The following GATA4 variants were observed in gnomAD, a reference collection of about 807,000 sequenced individuals.
GATA4 encodes the protein transcription factor GATA-4.
In GATA4, 7 loss-of-function variants were observed where a neutral mutation model predicts 37.9. That is an observed-to-expected ratio of 0.18 (90% CI 0.11 to 0.35). The LOEUF (loss-of-function observed/expected upper bound fraction) is 0.35. GATA4 is among the 10% of genes least tolerant of loss of function. GATA4 has a pLI of 1.00. For missense variants in GATA4, 647 were observed against 653.0 expected (o/e 0.99, Z 0.10); for synonymous variants, 372 against 292.6 (o/e 1.27, Z -2.77).
chr8:11,729,962 A>C (rs1331426096), intron 2 of GATA4, among the ~76,000 whole-genome samples: 1 of 152,090 alleles, frequency 6.6e-6, no homozygotes, highest in African/African-American at 2.4e-5. Flanking sequence ...GTCTTGCTCC[A>C]TTGCCCAGGC....
upstream of GATA4, among the ~76,000 whole-genome samples, chr8:11,691,107 A>G (rs1327959218): frequency 6.6e-6 from 1 of 152,262 alleles, no homozygotes; most frequent in African/African-American, 2.4e-5. Context: ...CAATCCACGC[A>G]GCATACTTGG....
upstream of GATA4, among the ~76,000 whole-genome samples, chr8:11,702,011 A>G (rs1415807148): frequency 6.6e-6 from 1 of 152,148 alleles, no homozygotes; most frequent in Non-Finnish European, 1.5e-5. The surrounding 1 kb of genome is among the most constrained non-coding windows in gnomAD (Gnocchi z 4.4). Context: ...TTATAGCCCC[A>G]CCATCCACAG....
intron 2 of GATA4, among the ~76,000 whole-genome samples, chr8:11,729,887 A>C (rs73205106): frequency 6.6e-6 from 1 of 152,122 alleles, no homozygotes; most frequent in African/African-American, 2.4e-5. Context: ...AACCCAATAT[A>C]TAATTCCTGG....
At chr8:11,754,946 T>G (rs1454452427) in intron 4 of GATA4, 100 bp from the exon 5 acceptor site, 3 of 873,122 alleles carry the variant, frequency 3.4e-6, no homozygotes, top group Non-Finnish European at 5.7e-6. Context: ...GTGGAGAGAT[T>G]GCTTAGGTGT....
At chr8:11,701,527 C>G (rs2130024846), upstream of GATA4, among the ~76,000 whole-genome samples, 1 of 152,262 alleles carries the variant, frequency 6.6e-6, no homozygotes, top group African/African-American at 2.4e-5. Context: ...TTGAAATGCT[C>G]CCCGCTCCTG....
intron 1 of GATA4, among the ~76,000 whole-genome samples, chr8:11,695,608 C>T (rs905090076): frequency 1.3e-5 from 2 of 152,180 alleles, no homozygotes; most frequent in African/African-American, 4.8e-5. Context: ...ACACCTGGAC[C>T]AAACTCAGTT....
chr8:11,697,649 C>T (rs1002637565), intron 1 of GATA4: 2 of 985,366 alleles, frequency 2.0e-6, no homozygotes, highest in African/African-American at 1.7e-5. Flanking sequence ...GCCCCCCTTT[C>T]AGAGGACCCC....
In GATA4 at chr8:11,726,109, C is replaced by T. The variant is rs143029092; in HGVS notation, c.616+17181C>T. 1.1e-3 allele frequency among the ~76,000 whole-genome samples: 174 copies of T among 152,352 alleles called. 1 individual carries two copies. The highest frequency in any genetic ancestry group is 3.7e-3 in the African/African-American group (152 of 41,580). On this transcript the variant is annotated intron_variant, in intron 2 of 6. Coordinates refer to ENST00000532059, the MANE Select transcript of GATA4 (RefSeq NM_001308093.3). ...ACCTGGTACATACAGGACACATGCA[C>T]GTATTCCTTCACAGAAAAGATGCAG...
intron 2 of GATA4, among the ~76,000 whole-genome samples, chr8:11,735,290 G>T (rs1321904287): frequency 6.6e-6 from 1 of 152,140 alleles, no homozygotes; most frequent in Non-Finnish European, 1.5e-5. Flanking sequence ...GTTCTTCAGA[G>T]GAACATTTAT....
intron 2 of GATA4, among the ~76,000 whole-genome samples, chr8:11,721,249 G>C (rs1245546092): frequency 6.6e-6 from 1 of 151,032 alleles, no homozygotes; most frequent in African/African-American, 2.4e-5. Context: ...GCATCCTAAA[G>C]GATGAGTAGG....
chr8:11,716,494 C>T (rs560214124), intron 2 of GATA4, among the ~76,000 whole-genome samples: 1 of 152,340 alleles, frequency 6.6e-6, no homozygotes, highest in South Asian at 2.1e-4. Flanking sequence ...TCCTCAGTGG[C>T]AATCCTGTAT....
chr8:11,711,571 A>T (rs1440468966), intron 2 of GATA4, among the ~76,000 whole-genome samples: 1 of 152,070 alleles, frequency 6.6e-6, no homozygotes, highest in Admixed American at 6.6e-5. Context: ...TGAGGCCAGG[A>T]GTTCGAGGTC....
chr8:11,683,226 G>A (rs1034406959), intron 1 of GATA4: 1 of 741,194 alleles, frequency 1.3e-6, no homozygotes, highest in Non-Finnish European at 1.6e-6. Context: ...CCGGAGCGGG[G>A]GAGGACGGAG....
At chr8:11,710,861 C>T (rs1800151124) in intron 2 of GATA4, among the ~76,000 whole-genome samples, 1 of 152,212 alleles carries the variant, frequency 6.6e-6, no homozygotes, top group Non-Finnish European at 1.5e-5. Flanking sequence ...GTGTCTCACG[C>T]CTGTAATCCC....
intron 1 of GATA4, chr8:11,697,680 C>G: frequency 2.0e-6 from 2 of 985,468 alleles, no homozygotes; most frequent in Non-Finnish European, 2.4e-6. Flanking sequence ...GCCTGCGGAC[C>G]AGAGGCTGTT....
intron 1 of GATA4, among the ~76,000 whole-genome samples, chr8:11,705,612 G>C (rs184364553): frequency 4.7e-4 from 71 of 152,332 alleles, no homozygotes; most frequent in African/African-American, 1.5e-3. Context: ...GAGCTGCTGG[G>C]CTTTCTCCGC....
At chr8:11,731,750 A>C (rs1204586080) in intron 2 of GATA4, among the ~76,000 whole-genome samples, 1 of 152,252 alleles carries the variant, frequency 6.6e-6, no homozygotes, top group African/African-American at 2.4e-5. Flanking sequence ...ATTTTATCAC[A>C]ATTTAAAGAA....
intron 2 of GATA4, among the ~76,000 whole-genome samples, chr8:11,716,582 G>A (rs1463341224): frequency 6.6e-6 from 1 of 152,174 alleles, no homozygotes; most frequent in Non-Finnish European, 1.5e-5. Context: ...TCTCAGTGCT[G>A]GTAGTGGATC....
intron 2 of GATA4, among the ~76,000 whole-genome samples, chr8:11,744,088 C>G (rs1318508671): frequency 2.6e-5 from 4 of 152,172 alleles, no homozygotes; most frequent in African/African-American, 9.7e-5. Flanking sequence ...CAGTCTCAAA[C>G]CTGACCGCTG....
Sources: gnomAD v4.1 joint callset for allele counts (sites outside exome capture counted in the v4.1 genomes callset) on GRCh38, gnomAD v4.1.1 for gene constraint, Gnocchi (gnomAD v3.1) non-coding constraint, MANE v1.5 for transcripts, NCBI Gene and HGNC (gene_info 2026-07-23, HGNC 2026-07-21) for gene names.